KCNU1: variants seen among roughly 807,000 people sequenced by gnomAD.
KCNU1 encodes the protein potassium calcium-activated channel subfamily U member 1, also known as potassium channel subfamily U member 1.
Under a neutral mutation model 126.8 loss-of-function variants are expected in KCNU1, and 93 were observed. The observed-to-expected ratio is 0.73, with a 90% CI of 0.62 to 0.87. The LOEUF is 0.87. KCNU1 is among the 40% of genes least tolerant of loss of function. The probability of loss-of-function intolerance (pLI) is 0.00; values close to 1 mark genes in which losing one functional copy is unlikely to be tolerated. For missense variants in KCNU1, 1,330 were observed against 1,367.1 expected (o/e 0.97, Z 0.43); for synonymous variants, 523 against 494.2 (o/e 1.06, Z -0.77).
At position 36,805,629 on chromosome 8, in the gene KCNU1, G is replaced by A. The variant is rs74720773; in HGVS notation, c.468+344G>A. Among the ~76,000 whole-genome samples the A allele has an allele frequency of 1.8e-3, 277 of 152,138 alleles. 2 individuals are homozygous for A. The highest frequency in any genetic ancestry group is 6.3e-3 in the African/African-American group (263 of 41,490). Reference sequence around the variant, plus strand: ...TCTGGAGATGTCCTTAGCTCCACTGGTGGCATGCCTGCAATACAACTGTGG... The same window carrying A: ...TCTGGAGATGTCCTTAGCTCCACTGATGGCATGCCTGCAATACAACTGTGG... On this transcript the variant is annotated intron_variant, in intron 4 of 26. Transcript: ENST00000399881.
chr8:36,829,580 T>A (rs1190240060), intron 10 of KCNU1, among the ~76,000 whole-genome samples: 1 of 151,364 alleles, frequency 6.6e-6, no homozygotes, highest in African/African-American at 2.4e-5. Flanking sequence ...TTATTTTTTT[T>A]TATAGTTGAC....
chr8:36,837,988 A>C (rs1804816972), intron 14 of KCNU1, among the ~76,000 whole-genome samples: 1 of 152,216 alleles, frequency 6.6e-6, no homozygotes, highest in South Asian at 2.1e-4. Context: ...AACGAAAAGC[A>C]AAAGAAGTAA....
chr8:36,905,620 C>G (rs576390834), intron 19 of KCNU1, 88 bp from the exon 20 acceptor site: 45 of 782,922 alleles, frequency 5.7e-5, no homozygotes, highest in Non-Finnish European at 9.5e-5. Flanking sequence ...CCTCTTTGAG[C>G]TCAAGGCTCT....
At chr8:36,796,931 C>T (rs1417904294) in intron 2 of KCNU1, among the ~76,000 whole-genome samples, 1 of 151,994 alleles carries the variant, frequency 6.6e-6, no homozygotes, top group Admixed American at 6.6e-5. Context: ...AAATATACTG[C>T]ATAATAGAAT....
At chr8:36,927,966 C>T (rs963721797) in intron 24 of KCNU1, among the ~76,000 whole-genome samples, 32 of 104,890 alleles carry the variant, frequency 3.1e-4, no homozygotes, top group South Asian at 1.7e-3. Flanking sequence ...GAGGGAAGGA[C>T]GAAGGGAGAG....
At chr8:36,905,643 A>T (rs1807594158) in intron 19 of KCNU1, 65 bp from the exon 20 acceptor site, 2 of 869,986 alleles carry the variant, frequency 2.3e-6, no homozygotes, top group Non-Finnish European at 4.0e-6. Context: ...TGAGTTTTAC[A>T]TCTCGGCTTT....
At chr8:36,927,066 C>T (rs995399102) in intron 24 of KCNU1, among the ~76,000 whole-genome samples, 1 of 152,106 alleles carries the variant, frequency 6.6e-6, no homozygotes, top group East Asian at 1.9e-4. Flanking sequence ...TCCACCGCCC[C>T]TAATAAACAC....
chr8:36,886,483 G>A (rs1319125399), intron 19 of KCNU1, among the ~76,000 whole-genome samples: 1 of 152,160 alleles, frequency 6.6e-6, no homozygotes, highest in South Asian at 2.1e-4. Context: ...GCCGGGAAGT[G>A]TGCCTCCAGA....
chr8:36,811,788 C>T (rs975315991), intron 7 of KCNU1, among the ~76,000 whole-genome samples: 3 of 151,834 alleles, frequency 2.0e-5, no homozygotes, highest in African/African-American at 2.4e-5. Flanking sequence ...AAAAATTAGT[C>T]GAGCATGATG....
At chr8:36,803,175 A>C (rs1803373166) in intron 2 of KCNU1, among the ~76,000 whole-genome samples, 1 of 152,222 alleles carries the variant, frequency 6.6e-6, no homozygotes, top group Non-Finnish European at 1.5e-5. Context: ...AGAAATGGTT[A>C]ATAGAGATGA....
intron 19 of KCNU1, chr8:36,888,996 A>G: frequency 2.5e-6 from 1 of 406,204 alleles, no homozygotes; most frequent in Non-Finnish European, 5.0e-6. Context: ...CTCCTGCCTC[A>G]GTCTCTTCAG....
chr8:36,787,765 T>C (rs1802763689), intron 2 of KCNU1, among the ~76,000 whole-genome samples: 1 of 147,904 alleles, frequency 6.8e-6, no homozygotes, highest in Admixed American at 6.8e-5. Context: ...TTGTATAGAA[T>C]ATTATATAAT....
chr8:36,841,007 C>T lies in KCNU1; in HGVS notation c.1703+4C>T. On this transcript the variant is annotated splice_donor_region_variant and intron_variant, in intron 16 of 26. Coordinates refer to ENST00000399881, the MANE Select transcript of KCNU1 (RefSeq NM_001031836.3). ...CCCTCTTTACGGATGGTTTCTGGTACCAATAAGTCTGCTCATCTCTTCAGT... is the reference window on the plus strand; with the variant it reads ...CCCTCTTTACGGATGGTTTCTGGTATCAATAAGTCTGCTCATCTCTTCAGT... The T allele has an allele frequency of 6.8e-7, 1 of 1,469,240 alleles. No individual in the cohort carries two copies. Among genetic ancestry groups the T allele is most frequent in the South Asian group, 1.1e-5 (1 of 88,230 alleles). The allele number at this position is 1,469,240 out of a possible 1,614,324, so 91.0% of individuals were successfully genotyped here.
intron 15 of KCNU1, 118 bp from the exon 16 acceptor site, chr8:36,840,814 T>C (rs868220088): frequency 6.5e-6 from 5 of 764,182 alleles, no homozygotes; most frequent in Non-Finnish European, 9.2e-6. Flanking sequence ...TCATTCCACA[T>C]TGGGAGTTCT....
intron 19 of KCNU1, among the ~76,000 whole-genome samples, chr8:36,874,571 T>A (rs113135733): frequency 6.6e-6 from 1 of 152,068 alleles, no homozygotes; most frequent in Admixed American, 6.5e-5. Context: ...GGTGGCATCA[T>A]CCCTGAGCCG....
chr8:36,911,053 A>C lies in KCNU1; in HGVS notation c.2455A>C (p.Met819Leu), dbSNP rs750676456. 3.1e-6 allele frequency: 5 copies of C among 1,613,774 alleles called. No homozygotes were observed. The highest frequency in any genetic ancestry group is 4.2e-6 in the Non-Finnish European group (5 of 1,179,814). ...GACTTTGGTAGACACAGAAGCCATC[A>C]TGGCAACCCTCACCATCGGATCCTT... ...NQTLVDTEAI[M>L]ATLTIGSLQI... The change falls in exon 22 of 27, where the codon ATG (methionine) becomes CTG (leucine). Residue 819 changes from methionine (M) to leucine (L), a missense_variant. Physicochemically the swap from Met to Leu is conservative, Grantham distance 15. Transcript: ENST00000399881.
chr8:36,812,929 G>T (rs1207703921), intron 7 of KCNU1, among the ~76,000 whole-genome samples: 1 of 152,170 alleles, frequency 6.6e-6, no homozygotes, highest in Non-Finnish European at 1.5e-5. Context: ...GTTTTACTTT[G>T]TACATGTTGT....
chr8:36,912,395 C>T (rs1235544170), intron 22 of KCNU1, among the ~76,000 whole-genome samples: 1 of 152,164 alleles, frequency 6.6e-6, no homozygotes, highest in Non-Finnish European at 1.5e-5. Context: ...AATCCTGACC[C>T]AGAGACTAGG....
intron 22 of KCNU1, among the ~76,000 whole-genome samples, chr8:36,918,460 C>T (rs924436261): frequency 2.0e-5 from 3 of 151,088 alleles, no homozygotes; most frequent in African/African-American, 7.3e-5. Flanking sequence ...GAGGCTGAGG[C>T]AGCAGGATCA....
Sources: allele counts gnomAD v4.1 joint callset (sites outside exome capture counted in the v4.1 genomes callset), GRCh38; gene constraint gnomAD v4.1.1; transcripts MANE v1.5; gene names NCBI Gene and HGNC (gene_info 2026-07-23, HGNC 2026-07-21).